Variants in ERICH6B observed in about 807,000 individuals in gnomAD.
The protein encoded by ERICH6B is glutamate rich 6B.
ERICH6B carries 69 observed loss-of-function variants against 80.0 expected under a neutral mutation model. The observed-to-expected ratio is 0.86, with a 90% CI of 0.71 to 1.05. ERICH6B has a LOEUF of 1.05. Ranked by LOEUF, ERICH6B falls within the 50% of genes least tolerant of loss-of-function variation. The pLI is 0.00. For missense variants in ERICH6B, 754 were observed against 796.1 expected (o/e 0.95, Z 0.64); for synonymous variants, 283 against 291.9 (o/e 0.97, Z 0.31).
rs1208888845 is a variant in ERICH6B at position 45,580,625 on chromosome 13, G to T, written c.897C>A (p.Thr299=). ...TACCTTCCGGAGCCAGCTTCGTGGT[G>T]GTTTCTTGCTCTGTTTCTGATTTCG... ...LKSKSETEQE[T]TTKLAPEEHV... Residue 299 remains threonine (T), a synonymous_variant, in exon 6 of 15, where the codon ACC becomes ACA. Coordinates refer to ENST00000298738, the MANE Select transcript of ERICH6B (RefSeq NM_182542.3). 5 of 1,551,514 alleles carry T rather than the reference G, an allele frequency of 3.2e-6. No individual in the cohort carries two copies. The highest frequency in any genetic ancestry group is 1.4e-5 in the African/African-American group (1 of 73,024).
chr13:45,598,534 C>T (rs145694646), intron 2 of ERICH6B, among the ~76,000 whole-genome samples: 3 of 152,198 alleles, frequency 2.0e-5, no homozygotes, highest in African/African-American at 7.2e-5. Flanking sequence ...TTCTGGGGAA[C>T]CAGCCAGATG....
At chr13:45,606,503 GTGTA>G (rs1949861317) in intron 2 of ERICH6B, among the ~76,000 whole-genome samples, 118 of 32,750 alleles carry the variant, frequency 3.6e-3, no homozygotes, top group African/African-American at 9.9e-3. Context: ...AAAAGTGTAT[GTGTA>G]TATATATATA....
chr13:45,583,382 T>C lies in ERICH6B; in HGVS notation c.857-2717A>G, dbSNP rs183964840. Among the ~76,000 whole-genome samples the C allele has an allele frequency of 1.4e-3, 220 of 152,344 alleles. 1 individual carries two copies. The highest frequency in any genetic ancestry group is 4.8e-3 in the African/African-American group (201 of 41,592). On this transcript the variant is annotated intron_variant, in intron 5 of 14. Coordinates refer to ENST00000298738, the MANE Select transcript of ERICH6B (RefSeq NM_182542.3). ...GTAAGAATGTTTATCCTGGGATTGA[T>C]TCAGTTTTCCTGACACTATTCTTAA...
chr13:45,593,312 T>C (rs1876231430), intron 3 of ERICH6B, among the ~76,000 whole-genome samples: 1 of 152,138 alleles, frequency 6.6e-6, no homozygotes, highest in African/African-American at 2.4e-5. Context: ...TGTTTCATTG[T>C]GTCTCATCTT....
chr13:45,551,703 G>A (rs991714888), intron 11 of ERICH6B: 1 of 152,184 alleles, frequency 6.6e-6, no homozygotes, highest in East Asian at 1.9e-4. Flanking sequence ...GGGAGATGGA[G>A]CCTAATGGGA....
intron 11 of ERICH6B, chr13:45,551,655 A>C (rs1290415852): frequency 1.3e-5 from 2 of 152,162 alleles, no homozygotes; most frequent in African/African-American, 2.4e-5. Context: ...CCCCCCAAAA[A>C]CATGTGTTGG....
intron 11 of ERICH6B, among the ~76,000 whole-genome samples, chr13:45,559,947 G>A (rs550473744): frequency 1.3e-5 from 2 of 152,254 alleles, no homozygotes; most frequent in Admixed American, 6.5e-5. Context: ...TTGTTTCTTT[G>A]TTGACTTCTT....
rs576137629 is a variant in ERICH6B at position 45,574,815 on chromosome 13, G to C, written c.1050+27C>G. On this transcript the variant is annotated intron_variant, in intron 8 of 14. Transcript: ENST00000298738. Reference sequence around the variant, plus strand: ...CCTACATTTGGAGGAAGCTGGGGGGGGGGTCTCAAGTTTTTATCCAACTTA... The same window carrying C: ...CCTACATTTGGAGGAAGCTGGGGGGCGGGTCTCAAGTTTTTATCCAACTTA... 1.2e-4 allele frequency: 182 copies of C among 1,509,928 alleles called. 1 individual carries two copies. Among genetic ancestry groups the C allele is most frequent in the Non-Finnish European group, 1.5e-4 (161 of 1,109,994 alleles). The allele number at this position is 1,509,928 out of a possible 1,614,324, so 93.5% of individuals were successfully genotyped here.
chr13:45,541,787 T>A, intron 14 of ERICH6B, 107 bp from the exon 15 acceptor site: 1 of 989,168 alleles, frequency 1.0e-6, no homozygotes, highest in Non-Finnish European at 1.5e-6. Flanking sequence ...CCCTGAGCCT[T>A]CACTCGAGAA....
chr13:45,551,059 A>G (rs1874202874), intron 11 of ERICH6B, among the ~76,000 whole-genome samples: 1 of 152,206 alleles, frequency 6.6e-6, no homozygotes, highest in Non-Finnish European at 1.5e-5. Context: ...GTTTTTCTAG[A>G]AAATTGTTCA....
At chr13:45,542,993 G>A (rs527618072) in intron 14 of ERICH6B, among the ~76,000 whole-genome samples, 26 of 152,322 alleles carry the variant, frequency 1.7e-4, no homozygotes, top group African/African-American at 6.0e-4. Flanking sequence ...CTATTCTGCT[G>A]GAGTCTGCTA....
chr13:45,592,512 A>G (rs1381246846), intron 3 of ERICH6B, among the ~76,000 whole-genome samples: 1 of 152,248 alleles, frequency 6.6e-6, no homozygotes, highest in East Asian at 1.9e-4. Context: ...GAATTACAGC[A>G]TTTAGGCCAG....
At position 45,574,898 on chromosome 13, in the gene ERICH6B, C is replaced by T; in HGVS notation, c.994G>A (p.Asp332Asn). The T allele has an allele frequency of 5.2e-6, 8 of 1,551,476 alleles. No homozygotes were observed. Among genetic ancestry groups the T allele is most frequent in the Non-Finnish European group, 7.0e-6 (8 of 1,146,960 alleles). ...TCAATGGACTCATCTGTTATACCAT[C>T]CCAAAAGTTCTCTTTAGAAGCAAAC... Reference protein sequence around the residue: ...LEFASKENFWDGITDESIDKL... With the variant: ...LEFASKENFWNGITDESIDKL... The change falls in exon 8 of 15, where the codon GAT (aspartate) becomes AAT (asparagine). Residue 332 changes from aspartate (D) to asparagine (N), a missense_variant. Coordinates refer to ENST00000298738, the MANE Select transcript of ERICH6B (RefSeq NM_182542.3).
intron 1 of ERICH6B, among the ~76,000 whole-genome samples, chr13:45,609,388 C>T (rs985294923): frequency 6.6e-6 from 1 of 152,180 alleles, no homozygotes; most frequent in Non-Finnish European, 1.5e-5. Context: ...GGCTCATTCT[C>T]AAGTTTCTCC....
intron 13 of ERICH6B, among the ~76,000 whole-genome samples, chr13:45,547,224 C>T (rs965000926): frequency 1.3e-5 from 2 of 152,146 alleles, no homozygotes; most frequent in East Asian, 1.9e-4. Flanking sequence ...ACTGAGAAAA[C>T]GTTAAAATTT....
At chr13:45,607,859 T>C (rs1428626002) in intron 1 of ERICH6B, among the ~76,000 whole-genome samples, 1 of 152,146 alleles carries the variant, frequency 6.6e-6, no homozygotes, top group Non-Finnish European at 1.5e-5. Context: ...CACCCCTGAA[T>C]GGCATCACCA....
intron 3 of ERICH6B, 33 bp from the exon 4 acceptor site, chr13:45,590,730 GC>G (rs1876122971): frequency 6.6e-7 from 1 of 1,524,522 alleles, no homozygotes. Context: ...AGCAATATTG[GC>G]AAAAAAGCAT....
At chr13:45,607,903 G>A (rs1249317483) in intron 1 of ERICH6B, among the ~76,000 whole-genome samples, 1 of 152,166 alleles carries the variant, frequency 6.6e-6, no homozygotes, top group Non-Finnish European at 1.5e-5. Context: ...GCACTGCAGA[G>A]AACTCACAGG....
intron 11 of ERICH6B, among the ~76,000 whole-genome samples, chr13:45,558,368 C>T (rs117059935): frequency 0.012 from 1,756 of 152,248 alleles, 10 homozygotes; most frequent in Middle Eastern, 0.041. Context: ...GGCATACAAT[C>T]GTATCATCAG....
Sources: gnomAD v4.1 joint callset for allele counts (sites outside exome capture counted in the v4.1 genomes callset) on GRCh38, gnomAD v4.1.1 for gene constraint, MANE v1.5 for transcripts, NCBI Gene and HGNC (gene_info 2026-07-23, HGNC 2026-07-21) for gene names.